The following GOSR2 variants were observed in gnomAD, a reference collection of about 807,000 sequenced individuals.
GOSR2 encodes the protein golgi SNAP receptor complex member 2, also known as 27 kDa Golgi SNARE protein.
Under a neutral mutation model 27.9 loss-of-function variants are expected in GOSR2, and 20 were observed. The observed-to-expected ratio is 0.72, with a 90% CI of 0.50 to 1.04. The LOEUF is 1.04. Among genes scored for constraint, GOSR2 ranks in the 50% least tolerant of loss-of-function variants. The pLI is 0.00. For synonymous variants in GOSR2, 91 were observed against 98.8 expected, an observed-to-expected ratio of 0.92 and a Z score of 0.47; for missense variants, 261 against 270.5, an observed-to-expected ratio of 0.97 and a Z score of 0.25.
chr17:46,940,650 C>T lies in GOSR2; in HGVS notation c.*1890C>T, dbSNP rs764465941. On this transcript the variant is annotated 3_prime_UTR_variant, in exon 6 of 6. Transcript: ENST00000640051. ...TTGAACTCTGGGAGGCAGAAGTCCC[C>T]GCACCCATCATGCGTGGACTGATAG... 2.5e-5 allele frequency: 41 copies of T among 1,613,612 alleles called. No individual in the cohort carries two copies. Among genetic ancestry groups the T allele is most frequent in the African/African-American group, 1.7e-4 (13 of 74,932 alleles).
downstream of GOSR2, among the ~76,000 whole-genome samples, chr17:46,943,290 C>A (rs1005233576): frequency 2.0e-5 from 3 of 152,180 alleles, no homozygotes; most frequent in African/African-American, 7.2e-5. Flanking sequence ...CATTAACTGA[C>A]ACCTCTCTGC....
chr17:46,933,565 G>T (rs2087733666), intron 4 of GOSR2: 1 of 151,284 alleles, frequency 6.6e-6, no homozygotes, highest in African/African-American at 2.4e-5. Flanking sequence ...TGTTAGCAGG[G>T]GCAGTTGAAA....
At chr17:46,951,262 G>A (rs576351998) in intron 6 of GOSR2, among the ~76,000 whole-genome samples, 56 of 152,254 alleles carry the variant, frequency 3.7e-4, no homozygotes, top group African/African-American at 1.1e-3. Context: ...CCCGCTGGCC[G>A]CCCACAGTGA....
downstream of GOSR2, among the ~76,000 whole-genome samples, chr17:46,969,947 G>A (rs1440399634): frequency 6.6e-6 from 1 of 152,150 alleles, no homozygotes; most frequent in Admixed American, 6.5e-5. Context: ...TGATGTGCGG[G>A]GTGGGGGAAC....
chr17:46,938,585 C>A lies in GOSR2; in HGVS notation c.478-14C>A. 1 of 1,611,736 alleles carries A rather than the reference C, an allele frequency of 6.2e-7. No individual in the cohort carries two copies. Among genetic ancestry groups the A allele is most frequent in the Non-Finnish European group, 8.5e-7 (1 of 1,178,260 alleles). ...CTTGATGTTTGTTTTTTTTTCTGTT[C>A]TCTTCTGCCCCAGGGGACTCAGAAG... is the stretch of plus-strand genomic sequence containing the variant. On this transcript the variant is annotated splice_polypyrimidine_tract_variant and intron_variant, in intron 5 of 5. Coordinates refer to ENST00000640051, the MANE Select transcript of GOSR2 (RefSeq NM_004287.5).
At chr17:46,937,684 C>T (rs1332685158) in intron 5 of GOSR2, 2 of 152,186 alleles carry the variant, frequency 1.3e-5, no homozygotes, top group African/African-American at 4.8e-5. Context: ...GGTATTCATG[C>T]TACTCTTTTC....
At chr17:46,972,835 C>G (rs1452650462) in intron 6 of GOSR2, among the ~76,000 whole-genome samples, 1 of 152,044 alleles carries the variant, frequency 6.6e-6, no homozygotes, top group East Asian at 2.0e-4. Flanking sequence ...AGGGCAGAGC[C>G]TGAGTTGCCT....
intron 1 of GOSR2, among the ~76,000 whole-genome samples, chr17:46,928,859 C>T (rs950218682): frequency 1.8e-4 from 27 of 152,166 alleles, no homozygotes; most frequent in Non-Finnish European, 8.8e-5. Flanking sequence ...TTCTTCACAG[C>T]GATGCTCAGA....
chr17:46,925,091 C>T (rs2086286384), intron 1 of GOSR2, among the ~76,000 whole-genome samples: 1 of 151,474 alleles, frequency 6.6e-6, no homozygotes, highest in Non-Finnish European at 1.5e-5. Flanking sequence ...TGTAGGCCTC[C>T]AACAATGCAC....
intron 4 of GOSR2, chr17:46,933,034 A>G (rs990250537): frequency 1.3e-5 from 2 of 152,310 alleles, no homozygotes; most frequent in Admixed American, 6.5e-5. Flanking sequence ...GGCTGTGCCA[A>G]CATAGTTTTT....
At chr17:46,959,013 A>C (rs936184226) in intron 6 of GOSR2, among the ~76,000 whole-genome samples, 3 of 152,248 alleles carry the variant, frequency 2.0e-5, no homozygotes, top group Non-Finnish European at 4.4e-5. Flanking sequence ...TGCAGCCATG[A>C]AGAGTGGCCT....
Position 46,940,350 on chromosome 17 carries a change from G to A in GOSR2, c.*1590G>A. 1 of 1,480,248 alleles carries A rather than the reference G, an allele frequency of 6.8e-7. No homozygotes were observed. The highest frequency in any genetic ancestry group is 9.0e-7 in the Non-Finnish European group (1 of 1,117,306). 91.7% of individuals were successfully genotyped at this position (1,480,248 alleles called of 1,614,324 possible). A position where few individuals can be genotyped will look rare whatever the true frequency, so the allele number is the denominator to read the frequency against. On this transcript the variant is annotated 3_prime_UTR_variant, in exon 6 of 6. Coordinates refer to ENST00000640051, the MANE Select transcript of GOSR2 (RefSeq NM_004287.5). ...TCTGTGACTCCTAAAATGGGTTGGG[G>A]CCCTGCCAGAGTTAAAGCAGTGACT...
downstream of GOSR2, among the ~76,000 whole-genome samples, chr17:46,971,462 T>G (rs1181977858): frequency 6.6e-6 from 1 of 152,200 alleles, no homozygotes; most frequent in African/African-American, 2.4e-5. Flanking sequence ...AGTGCTGGGT[T>G]AGGGGCTCTG....
rs2088881163 is a variant in GOSR2, at chr17:46,939,040, G to T, written c.*280G>T. On this transcript the variant is annotated 3_prime_UTR_variant, in exon 6 of 6. Transcript: ENST00000640051. Reference sequence around the variant, plus strand: ...CTCTCACTGGGGGAGGGAAAGAATGGCTTTGGTGGCTTTGTTCACATAGCT... The same window carrying T: ...CTCTCACTGGGGGAGGGAAAGAATGTCTTTGGTGGCTTTGTTCACATAGCT... 1 of 1,270,436 alleles carries T rather than the reference G, an allele frequency of 7.9e-7. No individual in the cohort carries two copies. Among genetic ancestry groups the T allele is most frequent in the African/African-American group, 1.5e-5 (1 of 64,904 alleles). The allele number at this position is 1,270,436 out of a possible 1,614,324, so 78.7% of individuals were successfully genotyped here.
downstream of GOSR2, among the ~76,000 whole-genome samples, chr17:46,944,524 G>A (rs555618109): frequency 6.6e-6 from 1 of 152,324 alleles, no homozygotes; most frequent in South Asian, 2.1e-4. Flanking sequence ...CAGAGAGTTT[G>A]GAAGTCCCGA....
chr17:46,938,210 A>T (rs2088733054), intron 5 of GOSR2, among the ~76,000 whole-genome samples: 1 of 151,710 alleles, frequency 6.6e-6, no homozygotes, highest in Admixed American at 6.6e-5. Flanking sequence ...TAGAAGCTTT[A>T]ATTGTGGCTT....
Position 46,940,968 on chromosome 17 carries a change from G to A in GOSR2, c.*2208G>A. 3 of 1,222,392 alleles carry A rather than the reference G, an allele frequency of 2.5e-6. No homozygotes were observed. The highest frequency in any genetic ancestry group is 3.1e-6 in the Non-Finnish European group (3 of 965,116). 75.7% of individuals were successfully genotyped at this position (1,222,392 alleles called of 1,614,324 possible). A position where few individuals can be genotyped will look rare whatever the true frequency, so the allele number is the denominator to read the frequency against. On this transcript the variant is annotated 3_prime_UTR_variant, in exon 6 of 6. Transcript: ENST00000640051. ...GTGTGACTCTCTCCACCGCCTCAGT[G>A]TAGGGAAGGGTCCAGGCCAGGGAAG... is the stretch of plus-strand genomic sequence containing the variant.
chr17:46,931,766 A>C (rs955244142), intron 3 of GOSR2: 6 of 477,628 alleles, frequency 1.3e-5, no homozygotes, highest in Admixed American at 6.7e-5. Context: ...TAGAAGGTCA[A>C]GAAGAGGTCA....
At chr17:46,961,650 A>G (rs1467178090) in intron 6 of GOSR2, among the ~76,000 whole-genome samples, 2 of 152,244 alleles carry the variant, frequency 1.3e-5, no homozygotes, top group Non-Finnish European at 2.9e-5. Context: ...ATACGTCTGT[A>G]AAAAGATTAT....
Sources: gnomAD v4.1 joint callset for allele counts (sites outside exome capture counted in the v4.1 genomes callset) on GRCh38, gnomAD v4.1.1 for gene constraint, MANE v1.5 for transcripts, NCBI Gene and HGNC (gene_info 2026-07-23, HGNC 2026-07-21) for gene names.